The following TRIM2 variants were observed in gnomAD, a reference collection of about 807,000 sequenced individuals.
The protein encoded by TRIM2 is tripartite motif containing 2.
A neutral mutation model predicts 75.2 loss-of-function variants in TRIM2; 20 were observed. The observed-to-expected ratio is 0.27, with a 90% CI of 0.19 to 0.39. TRIM2 has a LOEUF of 0.39. Among genes scored for constraint, TRIM2 ranks in the 10% least tolerant of loss-of-function variants. TRIM2 has a pLI of 1.00. For missense variants in TRIM2, 660 were observed against 990.8 expected, an observed-to-expected ratio of 0.67 and a Z score of 4.48; for synonymous variants, 373 against 388.3, an observed-to-expected ratio of 0.96 and a Z score of 0.46.
At chr4:153,204,916 CG>C (rs1288024677) in intron 1 of TRIM2, among the ~76,000 whole-genome samples, 1 of 152,132 alleles carries the variant, frequency 6.6e-6, no homozygotes, top group Non-Finnish European at 1.5e-5. Flanking sequence ...TGGGCCTCTC[CG>C]GGGTTTCTGT....
At chr4:153,280,293 C>T (rs921261600) in intron 3 of TRIM2, among the ~76,000 whole-genome samples, 3 of 151,628 alleles carry the variant, frequency 2.0e-5, no homozygotes, top group Middle Eastern at 3.4e-3. Flanking sequence ...GATACCAAAA[C>T]CTAATGAAGA....
chr4:153,189,964 T>G (rs1393325891), intron 1 of TRIM2, among the ~76,000 whole-genome samples: 4 of 152,224 alleles, frequency 2.6e-5, no homozygotes, highest in African/African-American at 4.8e-5. Flanking sequence ...TAACTAGTGA[T>G]TTAAATTAAT....
chr4:153,293,164 G>A (rs774578303), intron 4 of TRIM2, 31 bp downstream of exon 4: 1 of 1,583,684 alleles, frequency 6.3e-7, no homozygotes, highest in East Asian at 2.3e-5. Flanking sequence ...CCCCCAACTG[G>A]CTGCCTGTAC....
intron 11 of TRIM2, among the ~76,000 whole-genome samples, chr4:153,330,976 TTCCTA>T (rs1771347577): frequency 1.3e-5 from 2 of 152,190 alleles, no homozygotes; most frequent in African/African-American, 2.4e-5. Context: ...ATAAAAACAG[TTCCTA>T]GAATAGGTGA....
rs1387805976 is a variant in TRIM2 at position 153,276,067 on chromosome 4, C to T, written c.390C>T (p.Ile130=). Residue 130 remains isoleucine, a synonymous_variant, in exon 3 of 12, where the codon ATC becomes ATT. Coordinates refer to ENST00000338700, the MANE Select transcript of TRIM2 (RefSeq NM_015271.5). The part of the protein sequence containing the change: ...TPGSNAEESS[I]LETVTAVAAG... ...GCAGCAACGCTGAGGAGTCTTCCATCCTGGAGACAGTCACTGCTGTGGCTG... is the reference window on the plus strand; with the variant it reads ...GCAGCAACGCTGAGGAGTCTTCCATTCTGGAGACAGTCACTGCTGTGGCTG... 11 of 1,614,222 alleles carry T rather than the reference C, an allele frequency of 6.8e-6. No individual in the cohort carries two copies. Among genetic ancestry groups the T allele is most frequent in the Non-Finnish European group, 9.3e-6 (11 of 1,180,046 alleles).
At chr4:153,247,904 A>C (rs538748323) in intron 1 of TRIM2, among the ~76,000 whole-genome samples, 1 of 152,202 alleles carries the variant, frequency 6.6e-6, no homozygotes, top group East Asian at 1.9e-4. Context: ...AGTCATTTCT[A>C]AAGGAACTCA....
At chr4:153,329,027 T>C (rs1400423649) in intron 11 of TRIM2, among the ~76,000 whole-genome samples, 1 of 152,232 alleles carries the variant, frequency 6.6e-6, no homozygotes, top group Admixed American at 6.5e-5. Flanking sequence ...GTAATTTTAG[T>C]AATGCCTATG....
chr4:153,250,158 C>T (rs544908793), intron 1 of TRIM2, among the ~76,000 whole-genome samples: 4 of 151,762 alleles, frequency 2.6e-5, no homozygotes, highest in African/African-American at 9.7e-5. Context: ...CTCACTCTGT[C>T]ACCCAGACTG....
intron 3 of TRIM2, among the ~76,000 whole-genome samples, chr4:153,285,899 C>T (rs1400013662): frequency 1.3e-5 from 2 of 152,126 alleles, no homozygotes; most frequent in Non-Finnish European, 1.5e-5. Flanking sequence ...CCCTGGTCAG[C>T]ACCTTCAGTA....
chr4:153,187,955 T>C (rs1467067953), intron 1 of TRIM2, among the ~76,000 whole-genome samples: 1 of 152,128 alleles, frequency 6.6e-6, no homozygotes, highest in Non-Finnish European at 1.5e-5. Flanking sequence ...GACTATTTTT[T>C]CCTAAGTCCC....
chr4:153,226,940 C>A (rs1742285725), intron 1 of TRIM2, among the ~76,000 whole-genome samples: 1 of 152,192 alleles, frequency 6.6e-6, no homozygotes, highest in African/African-American at 2.4e-5. Context: ...TGTTCTGAGC[C>A]CCCTGCTTAT....
chr4:153,179,464 A>C (rs949326362), intron 1 of TRIM2, among the ~76,000 whole-genome samples: 1 of 152,012 alleles, frequency 6.6e-6, no homozygotes, highest in Non-Finnish European at 1.5e-5. Flanking sequence ...TTATTTCCCC[A>C]ACTTTTTTCC....
chr4:153,291,949 G>T (rs1761910674), intron 3 of TRIM2, among the ~76,000 whole-genome samples: 1 of 152,112 alleles, frequency 6.6e-6, no homozygotes, highest in Non-Finnish European at 1.5e-5. Context: ...TTTGTCCAAG[G>T]TCATTCAGCT....
chr4:153,241,365 T>C (rs1746537940), intron 1 of TRIM2, among the ~76,000 whole-genome samples: 1 of 152,208 alleles, frequency 6.6e-6, no homozygotes, highest in African/African-American at 2.4e-5. Flanking sequence ...GTGCCAAGAC[T>C]GCATTTGTGC....
At chr4:153,210,616 C>A (rs1281896108) in intron 1 of TRIM2, among the ~76,000 whole-genome samples, 3 of 152,110 alleles carry the variant, frequency 2.0e-5, no homozygotes, top group African/African-American at 4.8e-5. Flanking sequence ...ATATTTGATT[C>A]TTGATTTGTG....
intron 6 of TRIM2, chr4:153,307,948 G>T (rs186310479): frequency 1.3e-5 from 10 of 755,074 alleles, no homozygotes; most frequent in Non-Finnish European, 2.0e-5. Flanking sequence ...TCGTACAGCC[G>T]GTCAGCGAAA....
intron 1 of TRIM2, among the ~76,000 whole-genome samples, chr4:153,170,352 T>C (rs2149610902): frequency 6.6e-6 from 1 of 152,284 alleles, no homozygotes; most frequent in East Asian, 1.9e-4. Flanking sequence ...TCAATATAAT[T>C]GTCTGGTATC....
At chr4:153,229,658 G>T in intron 1 of TRIM2, among the ~76,000 whole-genome samples, 1 of 152,198 alleles carries the variant, frequency 6.6e-6, no homozygotes, top group Non-Finnish European at 1.5e-5. Context: ...TTAAGCATTT[G>T]CTTGGAACAG....
intron 1 of TRIM2, among the ~76,000 whole-genome samples, chr4:153,269,085 T>C (rs1755990681): frequency 6.6e-6 from 1 of 152,170 alleles, no homozygotes; most frequent in South Asian, 2.1e-4. Context: ...TCTTCTGCCC[T>C]CCTAGAGTAT....
Sources: allele counts gnomAD v4.1 joint callset (sites outside exome capture counted in the v4.1 genomes callset), GRCh38; gene constraint gnomAD v4.1.1; transcripts MANE v1.5; gene names NCBI Gene and HGNC (gene_info 2026-07-23, HGNC 2026-07-21).